Variants in RAP2A observed in about 807,000 individuals in gnomAD.
The protein encoded by RAP2A is RAP2A, member of RAS oncogene family, also known as ras-related protein Rap-2a.
In RAP2A, 5 loss-of-function variants were observed where a neutral mutation model predicts 15.1. The ratio of observed to expected loss-of-function variants is 0.33; its 90% confidence interval spans 0.17 to 0.70. The LOEUF (loss-of-function observed/expected upper bound fraction) is 0.70. RAP2A is among the 30% of genes least tolerant of loss of function. The pLI, the probability that RAP2A is intolerant of heterozygous loss-of-function variation, is 0.68. For synonymous variants in RAP2A, 110 were observed against 99.7 expected (o/e 1.10, Z -0.62); for missense variants, 111 against 240.3 (o/e 0.46, Z 3.56).
chr13:97,446,623 G>T (rs1258813211), intron 1 of RAP2A, among the ~76,000 whole-genome samples: 1 of 152,174 alleles, frequency 6.6e-6, no homozygotes, highest in Admixed American at 6.5e-5. Flanking sequence ...TCTCTGAGAA[G>T]ACTAACAGCT....
chr13:97,456,475 T>A (rs1294369691), intron 1 of RAP2A, among the ~76,000 whole-genome samples: 1 of 152,186 alleles, frequency 6.6e-6, no homozygotes, highest in Non-Finnish European at 1.5e-5. Context: ...CTGGCCACAA[T>A]AGAAGTTCTC....
chr13:97,452,740 T>C (rs1566473866), intron 1 of RAP2A, among the ~76,000 whole-genome samples: 1 of 151,280 alleles, frequency 6.6e-6, no homozygotes, highest in Admixed American at 6.6e-5. Context: ...AGAGAAATTA[T>C]GTGTTAATAA....
intron 1 of RAP2A, among the ~76,000 whole-genome samples, chr13:97,436,551 A>T (rs974581155): frequency 6.6e-6 from 1 of 152,206 alleles, no homozygotes; most frequent in African/African-American, 2.4e-5. Flanking sequence ...ACTTCTTGAC[A>T]CAAGCCTAGG....
chr13:97,459,590 T>G (rs1390933665), intron 1 of RAP2A, among the ~76,000 whole-genome samples: 1 of 152,180 alleles, frequency 6.6e-6, no homozygotes, highest in Non-Finnish European at 1.5e-5. Context: ...GGCTCAGGCA[T>G]TGTCTAGGGC....
chr13:97,457,247 G>GATAT (rs1457423525), intron 1 of RAP2A, among the ~76,000 whole-genome samples: 1 of 150,478 alleles, frequency 6.6e-6, no homozygotes, highest in Non-Finnish European at 1.5e-5. Context: ...ACACGTGAGA[G>GATAT]ATATATATAT....
At chr13:97,445,726 C>T (rs1379540280) in intron 1 of RAP2A, among the ~76,000 whole-genome samples, 2 of 152,094 alleles carry the variant, frequency 1.3e-5, no homozygotes, top group Admixed American at 6.5e-5. Flanking sequence ...TGTGTGAGCT[C>T]AGTCATGGGA....
At chr13:97,459,442 T>C (rs1201286350) in intron 1 of RAP2A, among the ~76,000 whole-genome samples, 4 of 152,176 alleles carry the variant, frequency 2.6e-5, no homozygotes, top group Non-Finnish European at 2.9e-5. Flanking sequence ...GCCAGATTTG[T>C]TTTCTGAGGC....
At chr13:97,453,418 T>C (rs2066710608) in intron 1 of RAP2A, among the ~76,000 whole-genome samples, 1 of 151,296 alleles carries the variant, frequency 6.6e-6, no homozygotes, top group Admixed American at 6.6e-5. Flanking sequence ...ACCATTGGTC[T>C]GTTCTCCTTT....
rs1206073247 is a variant in RAP2A, at chr13:97,457,545, TAATTA to T, written c.315-6654_315-6650del. On this transcript the variant is annotated intron_variant, in intron 1 of 1. Transcript: ENST00000245304. ...TTCATATACGCTAATGGAGGACAGA[TAATTA>T]AATTATGGCACAGTTATAGATTCTA... is the stretch of plus-strand genomic sequence containing the variant. Among the ~76,000 whole-genome samples, 4 of 152,028 alleles carry T rather than the reference TAATTA, an allele frequency of 2.6e-5. No individual in the cohort carries two copies. In the East Asian group the frequency reaches 7.7e-4, roughly 29 times the overall value.
At position 97,465,962 on chromosome 13, in the gene RAP2A, G is replaced by A. The variant is rs1046366501; in HGVS notation, c.*1520G>A. ...CACATTTTGTTGGTTTCACAGTCTT[G>A]TGCAAGTAACCTCTGGTCTTACGTG... On this transcript the variant is annotated 3_prime_UTR_variant, in exon 2 of 2. Coordinates refer to ENST00000245304, the MANE Select transcript of RAP2A (RefSeq NM_021033.7). 6.6e-6 allele frequency: 1 copy of A among 152,082 alleles called. No individual in the cohort carries two copies. The highest frequency in any genetic ancestry group is 1.5e-5 in the Non-Finnish European group (1 of 68,014). 9.4% of individuals were successfully genotyped at this position (152,082 alleles called of 1,614,324 possible).
chr13:97,440,939 T>C (rs1315792566), intron 1 of RAP2A, among the ~76,000 whole-genome samples: 1 of 152,208 alleles, frequency 6.6e-6, no homozygotes, highest in Non-Finnish European at 1.5e-5. Flanking sequence ...TGGGACTTAC[T>C]TATCTTGCAT....
At chr13:97,458,188 A>AT (rs1308948696) in intron 1 of RAP2A, among the ~76,000 whole-genome samples, 2 of 152,156 alleles carry the variant, frequency 1.3e-5, no homozygotes, top group East Asian at 3.8e-4. Context: ...TTGGTAGATG[A>AT]TTTTAACTGT....
At chr13:97,456,325 C>G (rs911218956) in intron 1 of RAP2A, among the ~76,000 whole-genome samples, 1 of 145,336 alleles carries the variant, frequency 6.9e-6, no homozygotes, top group Non-Finnish European at 1.5e-5. Flanking sequence ...TCTCTTTCTT[C>G]TTCAGGCGTT....
intron 1 of RAP2A, among the ~76,000 whole-genome samples, chr13:97,438,678 T>C (rs2066644277): frequency 6.6e-6 from 1 of 152,122 alleles, no homozygotes. Context: ...CTAAACTTTA[T>C]GCCTCACCTC....
At chr13:97,435,791 A>C (rs1278192003) in intron 1 of RAP2A, among the ~76,000 whole-genome samples, 1 of 152,160 alleles carries the variant, frequency 6.6e-6, no homozygotes, top group Non-Finnish European at 1.5e-5. Flanking sequence ...TGTTTCATCT[A>C]GTTCTTGTTA....
chr13:97,461,745 C>T lies in RAP2A; in HGVS notation c.315-2460C>T, dbSNP rs184107967. ...TTGGGAGGCTGAGGCGGGCGGATCA[C>T]GAGGTCAGGAGATCGAGACCATCCT... On this transcript the variant is annotated intron_variant, in intron 1 of 1. Transcript: ENST00000245304. Among the ~76,000 whole-genome samples, 224 of 151,854 alleles carry T rather than the reference C, an allele frequency of 1.5e-3. 1 individual carries two copies. The highest frequency in any genetic ancestry group is 3.4e-3 in the African/African-American group (142 of 41,440).
rs1594329741 is a variant in RAP2A at position 97,464,771 on chromosome 13, A to C, written c.*329A>C. On this transcript the variant is annotated 3_prime_UTR_variant, in exon 2 of 2. Transcript: ENST00000245304. ...GCAACTATTGTACAAATTAAAAATA[A>C]CCATAAGGGAGAAACCAGAAGAATT... 1 of 238,122 alleles carries C rather than the reference A, an allele frequency of 4.2e-6. No individual in the cohort carries two copies. Among genetic ancestry groups the C allele is most frequent in the African/African-American group, 2.2e-5 (1 of 44,826 alleles). The allele number at this position is 238,122 out of a possible 1,614,324, so 14.8% of individuals were successfully genotyped here.
At chr13:97,461,219 G>T (rs1305456434) in intron 1 of RAP2A, among the ~76,000 whole-genome samples, 1 of 152,016 alleles carries the variant, frequency 6.6e-6, no homozygotes, top group African/African-American at 2.4e-5. Context: ...TCCAAATCTG[G>T]GTGTAGAATC....
At chr13:97,463,121 C>CACACAA (rs1566476006) in intron 1 of RAP2A, among the ~76,000 whole-genome samples, 1 of 84,870 alleles carries the variant, frequency 1.2e-5, no homozygotes, top group Non-Finnish European at 3.5e-5. Flanking sequence ...CACACACAAA[C>CACACAA]ACACACACAC....
Sources: gnomAD v4.1 joint callset for allele counts (sites outside exome capture counted in the v4.1 genomes callset) on GRCh38, gnomAD v4.1.1 for gene constraint, MANE v1.5 for transcripts, NCBI Gene and HGNC (gene_info 2026-07-23, HGNC 2026-07-21) for gene names.